The following EYA2 variants were observed in gnomAD, a reference collection of about 807,000 sequenced individuals.
The protein encoded by EYA2 is protein phosphatase EYA2.
In EYA2, 31 loss-of-function variants were observed where a neutral mutation model predicts 69.2. The observed-to-expected ratio is 0.45, with a 90% CI of 0.34 to 0.60. The LOEUF is 0.60. EYA2 is among the 20% of genes least tolerant of loss of function. The probability of loss-of-function intolerance (pLI) is 0.02; values close to 1 mark genes in which losing one functional copy is unlikely to be tolerated. For synonymous variants in EYA2, 257 were observed against 279.4 expected (o/e 0.92, Z 0.80); for missense variants, 622 against 701.2 (o/e 0.89, Z 1.28).
chr20:47,172,727 A>G lies in EYA2; in HGVS notation c.1058A>G (p.Asp353Gly). Reference sequence around the variant, plus strand: ...CGCAGCACATACAACTTCTCCGCTGACGGCTTCCACAGTTCGGCCCCAGGA... The same window carrying G: ...CGCAGCACATACAACTTCTCCGCTGGCGGCTTCCACAGTTCGGCCCCAGGA... ...QDLSTYNFSADGFHSSAPGAN... is the reference protein window; with the variant it reads ...QDLSTYNFSAGGFHSSAPGAN... Residue 353 changes from aspartate to glycine, a missense_variant, in exon 12 of 16, where the codon GAC (aspartate) becomes GGC (glycine). This residue lies in a region of EYA2 where 257 missense variants were observed against 351.5 expected (regional missense o/e 0.73). Transcript: ENST00000327619. 1 of 1,613,270 alleles carries G rather than the reference A, an allele frequency of 6.2e-7. No homozygotes were observed. Among genetic ancestry groups the G allele is most frequent in the Admixed American group, 1.7e-5 (1 of 59,922 alleles).
At chr20:47,077,496 G>C (rs1340154805) in intron 7 of EYA2, among the ~76,000 whole-genome samples, 1 of 152,192 alleles carries the variant, frequency 6.6e-6, no homozygotes, top group African/African-American at 2.4e-5. Context: ...CTAGCACGAT[G>C]GTGTGGAGAC....
At chr20:46,968,331 G>T (rs138508122) in intron 1 of EYA2, among the ~76,000 whole-genome samples, 1 of 152,304 alleles carries the variant, frequency 6.6e-6, no homozygotes, top group Non-Finnish European at 1.5e-5. Flanking sequence ...CCCAAGAATG[G>T]CAAACATTTA....
rs6012077 is a variant in EYA2, at chr20:46,918,737, C to T, written c.-11+23750C>T. 6.0e-3 allele frequency among the ~76,000 whole-genome samples: 917 copies of T among 152,292 alleles called. 15 individuals are homozygous for T. The highest frequency in any genetic ancestry group is 0.021 in the African/African-American group (852 of 41,558). On this transcript the variant is annotated intron_variant, in intron 1 of 15. Coordinates refer to ENST00000327619, the MANE Select transcript of EYA2 (RefSeq NM_005244.5). Reference sequence around the variant, plus strand: ...TATTTTTACCTCCTCCTGTGAATCACGAATGTCCCTAATGGCATCTTAGAA... The same window carrying T: ...TATTTTTACCTCCTCCTGTGAATCATGAATGTCCCTAATGGCATCTTAGAA...
At chr20:47,076,285 C>T (rs1449441438) in intron 7 of EYA2, among the ~76,000 whole-genome samples, 2 of 152,154 alleles carry the variant, frequency 1.3e-5, no homozygotes, top group Non-Finnish European at 2.9e-5. Context: ...ATCTTCAGGC[C>T]GCTTTCCACA....
chr20:47,021,644 A>G (rs1234135982), intron 5 of EYA2, among the ~76,000 whole-genome samples: 5 of 125,948 alleles, frequency 4.0e-5, no homozygotes, highest in Non-Finnish European at 7.1e-5. Flanking sequence ...AAAAAAAAAA[A>G]GGCAAGAAAA....
chr20:47,119,811 A>G (rs2032998172), intron 9 of EYA2, among the ~76,000 whole-genome samples: 1 of 152,218 alleles, frequency 6.6e-6, no homozygotes, highest in Non-Finnish European at 1.5e-5. Flanking sequence ...TCACACCTGT[A>G]ATCCCAGCAT....
intron 13 of EYA2, among the ~76,000 whole-genome samples, 189 bp downstream of exon 13, chr20:47,180,101 C>T (rs1344869563): frequency 6.6e-6 from 1 of 152,022 alleles, no homozygotes; most frequent in Non-Finnish European, 1.5e-5. Flanking sequence ...AGCGTGATCT[C>T]GGCTCATCAC....
intron 9 of EYA2, among the ~76,000 whole-genome samples, chr20:47,139,343 C>G (rs2033544987): frequency 2.0e-5 from 3 of 152,304 alleles, no homozygotes; most frequent in Non-Finnish European, 4.4e-5. Flanking sequence ...AAACAGCAGT[C>G]CTCAGTGACT....
At chr20:47,181,810 A>C (rs932895106) in intron 14 of EYA2, among the ~76,000 whole-genome samples, 17 of 152,202 alleles carry the variant, frequency 1.1e-4, no homozygotes, top group Non-Finnish European at 2.4e-4. Context: ...ACATTATATG[A>C]AAGTGCCTTT....
chr20:46,915,690 C>T (rs748458091), intron 1 of EYA2, among the ~76,000 whole-genome samples: 2 of 152,168 alleles, frequency 1.3e-5, no homozygotes, highest in African/African-American at 2.4e-5. Context: ...TAGGAGATTC[C>T]ATATAAAAAC....
chr20:47,030,247 A>G (rs531882861), intron 5 of EYA2, among the ~76,000 whole-genome samples: 4 of 152,206 alleles, frequency 2.6e-5, no homozygotes, highest in Non-Finnish European at 5.9e-5. Flanking sequence ...CACATTGCAG[A>G]ATGTCTGCAC....
At chr20:47,157,222 G>A (rs1456858205) in intron 10 of EYA2, among the ~76,000 whole-genome samples, 5 of 151,538 alleles carry the variant, frequency 3.3e-5, no homozygotes, top group Admixed American at 1.3e-4. Flanking sequence ...AGGCATAGTG[G>A]TGCACGCTGT....
chr20:47,159,160 G>A lies in EYA2; in HGVS notation c.979-9979G>A, dbSNP rs563247612. ...TTTCCAAAGAGTACAATATAGATGA[G>A]GGGAATAGTAACTTCGGAGTGGAGA... is the stretch of plus-strand genomic sequence containing the variant. On this transcript the variant is annotated intron_variant, in intron 10 of 15. Transcript: ENST00000327619. Among the ~76,000 whole-genome samples the A allele has an allele frequency of 1.3e-5, 2 of 152,132 alleles. 1 individual carries two copies. The highest frequency in any genetic ancestry group is 3.9e-4 in the East Asian group (2 of 5,086).
At chr20:47,006,766 CAG>C (rs1455220554) in intron 4 of EYA2, among the ~76,000 whole-genome samples, 1 of 152,110 alleles carries the variant, frequency 6.6e-6, no homozygotes, top group Non-Finnish European at 1.5e-5. Flanking sequence ...GTTTTGGTAT[CAG>C]GGGTCAGTGG....
Position 47,188,160 on chromosome 20 carries a change from A to G in EYA2, c.*27A>G, listed in dbSNP as rs770125168. ...AGGATCAGCAGCATCTCCACCTGCC[A>G]TCTCACCCTCAGACCCCCTCGCCTT... On this transcript the variant is annotated 3_prime_UTR_variant, in exon 16 of 16. Transcript: ENST00000327619. The G allele has an allele frequency of 6.4e-7, 1 of 1,551,790 alleles. No individual in the cohort carries two copies. Among genetic ancestry groups the G allele is most frequent in the Non-Finnish European group, 8.7e-7 (1 of 1,147,934 alleles).
chr20:47,143,707 A>C (rs534389590), intron 10 of EYA2, among the ~76,000 whole-genome samples: 1 of 152,348 alleles, frequency 6.6e-6, no homozygotes, highest in East Asian at 1.9e-4. Context: ...CTTCAAAAAT[A>C]AATTGAATTC....
intron 1 of EYA2, among the ~76,000 whole-genome samples, chr20:46,986,793 CT>C (rs1353439697): frequency 6.6e-6 from 1 of 152,126 alleles, no homozygotes; most frequent in African/African-American, 2.4e-5. Context: ...CAAGAACTCA[CT>C]CATACCATGG....
In EYA2 at chr20:47,127,540, G is replaced by GTTACA. The variant is rs779940769; in HGVS notation, c.889-15518_889-15514dup. Among the ~76,000 whole-genome samples the GTTACA allele has an allele frequency of 2.6e-5, 4 of 152,304 alleles. No homozygotes were observed. In the South Asian group the frequency reaches 8.3e-4, roughly 32 times the overall value. On this transcript the variant is annotated intron_variant, in intron 9 of 15. Transcript: ENST00000327619. Reference sequence around the variant, plus strand: ...AATCACTTGAACCCGGGAAGCAGAGGTTACAGTGAGCCAAGATAACAAAAA... The same window carrying GTTACA: ...AATCACTTGAACCCGGGAAGCAGAGGTTACATTACAGTGAGCCAAGATAACAAAAA...
intron 1 of EYA2, among the ~76,000 whole-genome samples, chr20:46,929,586 G>A (rs1202633862): frequency 6.6e-6 from 1 of 152,098 alleles, no homozygotes; most frequent in African/African-American, 2.4e-5. Flanking sequence ...GCAGAGCCCG[G>A]GTGATGATAC....
Sources: gnomAD v4.1 joint callset for allele counts (sites outside exome capture counted in the v4.1 genomes callset) on GRCh38, gnomAD v4.1.1 for gene constraint, gnomAD v4.1.1 regional missense constraint, MANE v1.5 for transcripts, NCBI Gene and HGNC (gene_info 2026-07-23, HGNC 2026-07-21) for gene names.